SGCD: variants seen among roughly 807,000 people sequenced by gnomAD.
SGCD encodes the protein delta-sarcoglycan.
Under a neutral mutation model 36.6 loss-of-function variants are expected in SGCD, and 18 were observed. That is an observed-to-expected ratio of 0.49 (90% confidence interval 0.34 to 0.73). The LOEUF is 0.73. SGCD is among the 30% of genes least tolerant of loss of function. The pLI, the probability that SGCD is intolerant of heterozygous loss-of-function variation, is 0.01. For missense variants in SGCD, 387 were observed against 346.7 expected, an observed-to-expected ratio of 1.12 and a Z score of -0.92; for synonymous variants, 133 against 130.6, an observed-to-expected ratio of 1.02 and a Z score of -0.12.
chr5:156,582,092 T>C (rs754318232), intron 4 of SGCD, among the ~76,000 whole-genome samples: 2 of 152,180 alleles, frequency 1.3e-5, no homozygotes, highest in Non-Finnish European at 2.9e-5. Flanking sequence ...AATTTATTTT[T>C]TAAGAATGGC....
Position 156,621,304 on chromosome 5 carries a change from G to A in SGCD, c.503-26160G>A, listed in dbSNP as rs574558802. ...ACTCTCAGGTTCAAGTGATTCTCCT[G>A]CATCAGCCTCCCAAGTAGCTGGGAT... is the stretch of plus-strand genomic sequence containing the variant. On this transcript the variant is annotated intron_variant, in intron 6 of 8. Coordinates refer to ENST00000337851, the MANE Select transcript of SGCD (RefSeq NM_000337.6). Among the ~76,000 whole-genome samples, 15 of 152,274 alleles carry A rather than the reference G, an allele frequency of 9.9e-5. 1 individual carries two copies. Among genetic ancestry groups the A allele is most frequent in the Middle Eastern group, 6.8e-3 (2 of 294 alleles).
intron 1 of SGCD, among the ~76,000 whole-genome samples, chr5:155,972,296 A>G (rs980117886): frequency 1.3e-5 from 2 of 152,132 alleles, no homozygotes; most frequent in African/African-American, 4.8e-5. Flanking sequence ...ATTAATTTAT[A>G]TTCTTTCAGG....
intron 6 of SGCD, among the ~76,000 whole-genome samples, chr5:156,644,004 A>G (rs1426353036): frequency 6.6e-6 from 1 of 152,306 alleles, no homozygotes; most frequent in East Asian, 1.9e-4. Flanking sequence ...AATCATAATT[A>G]TATCAATATT....
chr5:155,744,107 A>T, the SGCD span, among the ~76,000 whole-genome samples: 3 of 152,212 alleles, frequency 2.0e-5, no homozygotes, highest in African/African-American at 7.2e-5. Context: ...AACAGACTTC[A>T]ACTTCTAAGA....
At chr5:156,319,652 A>G (rs1767606511) in intron 3 of SGCD, among the ~76,000 whole-genome samples, 3 of 152,200 alleles carry the variant, frequency 2.0e-5, no homozygotes, top group African/African-American at 7.2e-5. Flanking sequence ...CATCTCCTAG[A>G]ATCACAATCT....
chr5:156,424,005 T>A (rs1773553599), intron 3 of SGCD, among the ~76,000 whole-genome samples: 1 of 152,054 alleles, frequency 6.6e-6, no homozygotes, highest in South Asian at 2.1e-4. Flanking sequence ...GAGTTGATCC[T>A]ACTCCTCTGT....
In SGCD at chr5:156,759,206, T is replaced by C; in HGVS notation, c.700-11T>C. 1.2e-6 allele frequency: 2 copies of C among 1,611,122 alleles called. No homozygotes were observed. The highest frequency in any genetic ancestry group is 1.7e-6 in the Non-Finnish European group (2 of 1,177,480). On this transcript the variant is annotated splice_polypyrimidine_tract_variant and intron_variant, in intron 8 of 8. Coordinates refer to ENST00000337851, the MANE Select transcript of SGCD (RefSeq NM_000337.6). ...CTGACCAATGCTTTCCTTCCTATTC[T>C]CTGTCTTTAGATTAAGTTAGATGCT...
chr5:156,481,047 T>A (rs528355881), intron 3 of SGCD, among the ~76,000 whole-genome samples: 50 of 152,364 alleles, frequency 3.3e-4, no homozygotes, highest in Admixed American at 1.9e-3. Flanking sequence ...CTCAGGGCAT[T>A]GGTTTTTGTC....
intron 3 of SGCD, among the ~76,000 whole-genome samples, chr5:156,463,594 A>G (rs1754589830): frequency 6.6e-6 from 1 of 152,022 alleles, no homozygotes. Context: ...AGAAAGGGAG[A>G]ACTGAGTAGA....
intron 4 of SGCD, among the ~76,000 whole-genome samples, chr5:156,574,650 T>A (rs1161428254): frequency 6.6e-6 from 1 of 152,158 alleles, no homozygotes; most frequent in African/African-American, 2.4e-5. Flanking sequence ...TTATTCTGAT[T>A]TTTTAAGAGG....
intron 1 of SGCD, among the ~76,000 whole-genome samples, chr5:155,947,500 GT>G (rs1180974939): frequency 1.3e-5 from 2 of 152,008 alleles, no homozygotes; most frequent in Non-Finnish European, 2.9e-5. Context: ...AAATACCATG[GT>G]TTTTGGACCC....
At chr5:156,629,087 AATG>A (rs1433797792) in intron 6 of SGCD, among the ~76,000 whole-genome samples, 13 of 152,346 alleles carry the variant, frequency 8.5e-5, no homozygotes, top group African/African-American at 3.1e-4. Flanking sequence ...TGCAGAGGGA[AATG>A]ATGAGAGTAT....
At chr5:156,746,237 T>C (rs1206534405) in intron 7 of SGCD, among the ~76,000 whole-genome samples, 1 of 152,056 alleles carries the variant, frequency 6.6e-6, no homozygotes, top group Admixed American at 6.6e-5. Context: ...GTAACTTTAA[T>C]ACCTGAGAGA....
At chr5:156,591,171 T>G (rs1760710626) in intron 5 of SGCD, among the ~76,000 whole-genome samples, 1 of 152,116 alleles carries the variant, frequency 6.6e-6, no homozygotes, top group African/African-American at 2.4e-5. Flanking sequence ...GACAATACCT[T>G]CTAATGCCTG....
chr5:156,736,638 C>A (rs1246083346), intron 7 of SGCD, among the ~76,000 whole-genome samples: 1 of 152,172 alleles, frequency 6.6e-6, no homozygotes, highest in African/African-American at 2.4e-5. Context: ...TGAGCCCCAT[C>A]TCCAAGTGAA....
chr5:156,644,602 T>C (rs1281165466), intron 6 of SGCD, among the ~76,000 whole-genome samples: 1 of 152,218 alleles, frequency 6.6e-6, no homozygotes, highest in Non-Finnish European at 1.5e-5. Flanking sequence ...TAGTACAGGA[T>C]TATTTTTTCT....
chr5:156,275,289 A>G (rs921167014), intron 3 of SGCD, among the ~76,000 whole-genome samples: 1 of 152,154 alleles, frequency 6.6e-6, no homozygotes, highest in African/African-American at 2.4e-5. Flanking sequence ...ACAAGACACC[A>G]CATGGGGTAT....
intron 3 of SGCD, among the ~76,000 whole-genome samples, chr5:156,361,680 G>A (rs908131500): frequency 6.6e-6 from 1 of 152,172 alleles, no homozygotes; most frequent in Non-Finnish European, 1.5e-5. Flanking sequence ...TGTAACTTGG[G>A]TGTTGCTGAA....
the SGCD span, among the ~76,000 whole-genome samples, chr5:155,738,961 GAA>G: frequency 6.6e-6 from 1 of 152,026 alleles, no homozygotes; most frequent in Non-Finnish European, 1.5e-5. Flanking sequence ...AAGAGAGAGA[GAA>G]AGAGAGAAAA....
Sources: gnomAD v4.1 joint callset for allele counts (sites outside exome capture counted in the v4.1 genomes callset) on GRCh38, gnomAD v4.1.1 for gene constraint, MANE v1.5 for transcripts, NCBI Gene and HGNC (gene_info 2026-07-23, HGNC 2026-07-21) for gene names.